The following NRG1 variants were observed in gnomAD, a reference collection of about 807,000 sequenced individuals.
NRG1 encodes the protein pro-neuregulin-1, membrane-bound isoform.
In NRG1, 18 loss-of-function variants were observed where a neutral mutation model predicts 63.8. The ratio of observed to expected loss-of-function variants is 0.28; its 90% CI spans 0.19 to 0.42. NRG1 has a LOEUF of 0.42. NRG1 is among the 10% of genes least tolerant of loss of function. The pLI is 1.00. For missense variants in NRG1, 762 were observed against 814.7 expected, an observed-to-expected ratio of 0.94 and a Z score of 0.79; for synonymous variants, 302 against 301.3, an observed-to-expected ratio of 1.00 and a Z score of -0.02.
intron 1 of NRG1, among the ~76,000 whole-genome samples, chr8:32,146,992 T>C (rs1836937629): frequency 6.6e-6 from 1 of 152,188 alleles, no homozygotes; most frequent in South Asian, 2.1e-4. Context: ...GAATTAAATA[T>C]CTAGAAAAAT....
chr8:31,778,761 A>T (rs17660163), intron 1 of NRG1, among the ~76,000 whole-genome samples: 35,437 of 152,120 alleles, frequency 0.23, 4,360 homozygotes, highest in Admixed American at 0.26. Context: ...CATTTTGCCT[A>T]TGGAGAAATG....
chr8:32,747,001 T>C (rs1827570223), intron 7 of NRG1, among the ~76,000 whole-genome samples: 1 of 151,858 alleles, frequency 6.6e-6, no homozygotes, highest in Non-Finnish European at 1.5e-5. Flanking sequence ...TTAGGGCTTA[T>C]GGCCAGAAGA....
intron 1 of NRG1, among the ~76,000 whole-genome samples, chr8:32,204,361 A>G (rs1235851824): frequency 1.3e-5 from 2 of 152,184 alleles, no homozygotes; most frequent in East Asian, 3.9e-4. Context: ...TTTTACATGA[A>G]CCTATCGTTT....
chr8:32,718,709 C>T (rs539197205), intron 5 of NRG1, among the ~76,000 whole-genome samples: 10 of 152,200 alleles, frequency 6.6e-5, no homozygotes, highest in African/African-American at 1.9e-4. Context: ...TTCTTACCTC[C>T]GCATTTATTT....
At chr8:31,644,413 A>G (rs1027142132) in intron 1 of NRG1, among the ~76,000 whole-genome samples, 1 of 152,334 alleles carries the variant, frequency 6.6e-6, no homozygotes, top group Admixed American at 6.5e-5. Flanking sequence ...AAATATTTTA[A>G]AAAGTGGATT....
intron 1 of NRG1, among the ~76,000 whole-genome samples, chr8:31,653,953 C>T (rs537308867): frequency 6.7e-5 from 5 of 75,098 alleles, no homozygotes; most frequent in Admixed American, 3.1e-4. Flanking sequence ...TTTCATGATG[C>T]GCTTTTTTTT....
intron 1 of NRG1, among the ~76,000 whole-genome samples, chr8:32,477,014 G>A (rs1056874775): frequency 1.3e-5 from 2 of 152,168 alleles, no homozygotes; most frequent in African/African-American, 4.8e-5. Flanking sequence ...GGAAGACAAT[G>A]TATGTAGATC....
intron 1 of NRG1, among the ~76,000 whole-genome samples, chr8:32,508,734 TTTTG>T (rs951604975): frequency 2.6e-5 from 4 of 152,214 alleles, no homozygotes; most frequent in African/African-American, 4.8e-5. Context: ...TGTTTTGGTT[TTTTG>T]TTTGTTTGTT....
At chr8:31,687,383 C>A (rs1183632077) in intron 1 of NRG1, among the ~76,000 whole-genome samples, 4 of 152,150 alleles carry the variant, frequency 2.6e-5, no homozygotes, top group African/African-American at 9.7e-5. Context: ...GCCTTGTAGG[C>A]AAAACAAGAC....
intron 1 of NRG1, among the ~76,000 whole-genome samples, chr8:32,379,670 A>T (rs1197969895): frequency 1.3e-5 from 2 of 152,176 alleles, no homozygotes; most frequent in Non-Finnish European, 2.9e-5. Context: ...ATTGACATAG[A>T]CCTTATCACT....
At chr8:31,776,741 A>G in intron 1 of NRG1, among the ~76,000 whole-genome samples, 1 of 151,104 alleles carries the variant, frequency 6.6e-6, no homozygotes, top group Non-Finnish European at 1.5e-5. Context: ...TCCTGTGTCC[A>G]TGTGCTCTCA....
At chr8:32,700,612 T>A (rs980208847) in intron 5 of NRG1, among the ~76,000 whole-genome samples, 14 of 152,188 alleles carry the variant, frequency 9.2e-5, no homozygotes, top group Non-Finnish European at 1.5e-4. Flanking sequence ...CTAGTCGATA[T>A]CTTGAGTTAA....
intron 1 of NRG1, among the ~76,000 whole-genome samples, chr8:32,087,058 C>A (rs1227298402): frequency 6.6e-6 from 1 of 152,206 alleles, no homozygotes; most frequent in East Asian, 1.9e-4. Context: ...CAGCCCCAGG[C>A]AACCACCATT....
intron 1 of NRG1, among the ~76,000 whole-genome samples, chr8:32,094,223 A>G (rs2131299683): frequency 6.6e-6 from 1 of 152,248 alleles, no homozygotes; most frequent in Admixed American, 6.5e-5. Context: ...CAAACCCAGC[A>G]TTGCTTACGT....
At chr8:32,618,194 C>T (rs1049799434) in intron 5 of NRG1, among the ~76,000 whole-genome samples, 1 of 151,616 alleles carries the variant, frequency 6.6e-6, no homozygotes, top group Non-Finnish European at 1.5e-5. Flanking sequence ...CCAGGAATCA[C>T]ATTGAGCTTT....
At chr8:31,730,287 G>A (rs1343720935) in intron 1 of NRG1, among the ~76,000 whole-genome samples, 2 of 152,088 alleles carry the variant, frequency 1.3e-5, no homozygotes, top group East Asian at 1.9e-4. Context: ...TCCTTGGAGT[G>A]CATCACTGCT....
intron 1 of NRG1, among the ~76,000 whole-genome samples, chr8:32,095,780 A>G (rs1054500648): frequency 4.6e-5 from 7 of 152,234 alleles, no homozygotes; most frequent in Middle Eastern, 3.2e-3. Context: ...CAGATAAAAA[A>G]TAGAAAGTAA....
chr8:32,261,092 G>T (rs1563244417), intron 1 of NRG1, among the ~76,000 whole-genome samples: 1 of 152,120 alleles, frequency 6.6e-6, no homozygotes, highest in Non-Finnish European at 1.5e-5. Context: ...AAAGAAAGTT[G>T]CAAAGATAGT....
chr8:31,921,257 A>G (rs191214317), intron 1 of NRG1, among the ~76,000 whole-genome samples: 26 of 152,188 alleles, frequency 1.7e-4, no homozygotes, highest in Non-Finnish European at 3.7e-4. Context: ...CAGATAACCA[A>G]TCAAATTTGT....
Sources: allele counts gnomAD v4.1 joint callset (sites outside exome capture counted in the v4.1 genomes callset), GRCh38; gene constraint gnomAD v4.1.1; transcripts MANE v1.5; gene names NCBI Gene and HGNC (gene_info 2026-07-23, HGNC 2026-07-21).